Variants in ATG10 observed in about 807,000 individuals in gnomAD.
ATG10 encodes autophagy related 10, also known as ubiquitin-like-conjugating enzyme ATG10.
In ATG10, 30 loss-of-function variants were observed where a neutral mutation model predicts 32.1. That is an observed-to-expected ratio of 0.94 (90% CI 0.70 to 1.27). The LOEUF is 1.27. ATG10 is among the 50% of genes most tolerant of loss of function. The pLI is 0.00. For missense variants in ATG10, 233 were observed against 262.3 expected, an observed-to-expected ratio of 0.89 and a Z score of 0.77; for synonymous variants, 87 against 91.5, an observed-to-expected ratio of 0.95 and a Z score of 0.28.
At chr5:82,141,235 A>G (rs925915353) in intron 3 of ATG10, among the ~76,000 whole-genome samples, 5 of 131,088 alleles carry the variant, frequency 3.8e-5, no homozygotes, top group African/African-American at 1.0e-4. Context: ...AAATAAATTA[A>G]AAAAAAAAAA....
intron 3 of ATG10, among the ~76,000 whole-genome samples, chr5:82,098,487 T>G (rs556301882): frequency 1.3e-5 from 2 of 152,022 alleles, no homozygotes; most frequent in African/African-American, 2.4e-5. Context: ...ATTTTTGTTT[T>G]TTTAGTAGAG....
At chr5:82,177,552 G>A (rs1051574831) in intron 4 of ATG10, among the ~76,000 whole-genome samples, 1 of 152,110 alleles carries the variant, frequency 6.6e-6, no homozygotes, top group African/African-American at 2.4e-5. Flanking sequence ...AATGGATCAA[G>A]TTATATTGGA....
intron 5 of ATG10, among the ~76,000 whole-genome samples, chr5:82,192,080 C>T (rs998493454): frequency 3.9e-5 from 6 of 152,188 alleles, no homozygotes; most frequent in African/African-American, 1.4e-4. Context: ...GCATTTCTGG[C>T]ATGGAGGTTG....
intron 5 of ATG10, among the ~76,000 whole-genome samples, chr5:82,215,140 G>A (rs755301652): frequency 3.9e-5 from 6 of 152,140 alleles, no homozygotes; most frequent in Non-Finnish European, 7.4e-5. Flanking sequence ...GTCATCTCAA[G>A]GCTTGATGGG....
intron 5 of ATG10, among the ~76,000 whole-genome samples, chr5:82,235,225 G>A (rs1370626045): frequency 6.6e-6 from 1 of 152,098 alleles, no homozygotes; most frequent in Non-Finnish European, 1.5e-5. Context: ...TTTTCCCCTA[G>A]GGAAGCAGGT....
At chr5:82,105,847 G>A (rs751730724) in intron 3 of ATG10, among the ~76,000 whole-genome samples, 6 of 152,058 alleles carry the variant, frequency 3.9e-5, no homozygotes, top group African/African-American at 7.2e-5. Context: ...CCTTGTTCTT[G>A]TTCACATGGA....
chr5:82,063,851 G>A (rs1763862098), intron 3 of ATG10, among the ~76,000 whole-genome samples: 1 of 152,114 alleles, frequency 6.6e-6, no homozygotes, highest in African/African-American at 2.4e-5. Context: ...AAAAGAGGGA[G>A]AGGATCAAGA....
chr5:82,133,001 CA>C (rs1766602710), intron 3 of ATG10, among the ~76,000 whole-genome samples: 1 of 152,126 alleles, frequency 6.6e-6, no homozygotes, highest in Non-Finnish European at 1.5e-5. Flanking sequence ...TGATGATGAG[CA>C]TTTTTTCATA....
intron 2 of ATG10, among the ~76,000 whole-genome samples, chr5:82,003,490 C>CT (rs1561249550): frequency 6.6e-6 from 1 of 152,140 alleles, no homozygotes; most frequent in Admixed American, 6.5e-5. Context: ...GACAAGTTAG[C>CT]TAGTGTGGTC....
Position 82,202,959 on chromosome 5 carries a change from T to C in ATG10, c.453+24372T>C, listed in dbSNP as rs555505484. Among the ~76,000 whole-genome samples the C allele has an allele frequency of 5.3e-5, 8 of 152,228 alleles. No individual in the cohort carries two copies. In the South Asian group the frequency reaches 1.7e-3, roughly 32 times the overall value. Reference sequence around the variant, plus strand: ...AGAAGTAATGGGGGGCTGGGTGTGGTGGCTCATGCCTGTAATCCCAGCGCT... The same window carrying C: ...AGAAGTAATGGGGGGCTGGGTGTGGCGGCTCATGCCTGTAATCCCAGCGCT... On this transcript the variant is annotated intron_variant, in intron 5 of 7. Coordinates refer to ENST00000282185, the MANE Select transcript of ATG10 (RefSeq NM_031482.5).
chr5:82,072,162 G>A (rs760734123), intron 3 of ATG10, among the ~76,000 whole-genome samples: 2 of 152,168 alleles, frequency 1.3e-5, no homozygotes, highest in Non-Finnish European at 2.9e-5. Context: ...AAAGCTAAGA[G>A]GTAGTATGAA....
At position 82,010,064 on chromosome 5, in the gene ATG10, A is replaced by T; in HGVS notation, c.108+22386A>T. The T allele has an allele frequency of 2.5e-6, 4 of 1,610,022 alleles. No individual in the cohort carries two copies. The South Asian group carries it at 4.4e-5, about 18-fold the overall frequency. ...GGCCCAAGGGCTCGCCATCGACGGC[A>T]ATGTCGAAGAACACGGTGGGGTTGA... On this transcript the variant is annotated intron_variant, in intron 2 of 7. Transcript: ENST00000282185.
At chr5:82,014,377 G>A (rs1237381159) in intron 2 of ATG10, among the ~76,000 whole-genome samples, 3 of 152,196 alleles carry the variant, frequency 2.0e-5, no homozygotes, top group East Asian at 1.9e-4. Context: ...CAATTCCTGG[G>A]TATCCTTGTT....
Position 81,983,246 on chromosome 5 carries a change from C to CA in ATG10, c.-12-4312dup, listed in dbSNP as rs1554038325. Among the ~76,000 whole-genome samples the CA allele has an allele frequency of 4.9e-4, 72 of 147,002 alleles. 3 individuals carry two copies. Among genetic ancestry groups the CA allele is most frequent in the South Asian group, 4.4e-3 (20 of 4,590 alleles). ...CGGGCTGGGGGCTGACCCCCCCCCC[C>CA]ACCTCCCTCCTGGACGGGGTGGCTG... On this transcript the variant is annotated intron_variant, in intron 1 of 7. Coordinates refer to ENST00000282185, the MANE Select transcript of ATG10 (RefSeq NM_031482.5).
At chr5:81,989,528 A>G (rs941169325) in intron 2 of ATG10, among the ~76,000 whole-genome samples, 4 of 152,156 alleles carry the variant, frequency 2.6e-5, no homozygotes, top group Non-Finnish European at 5.9e-5. Context: ...CTCCAGGATG[A>G]TGTGACTGTG....
chr5:82,131,515 T>G (rs542297861), intron 3 of ATG10, among the ~76,000 whole-genome samples: 5 of 152,276 alleles, frequency 3.3e-5, no homozygotes, highest in South Asian at 2.1e-4. Context: ...CAGTCTATAT[T>G]ACAGAGTTTC....
chr5:82,150,413 T>G (rs1767546266), intron 3 of ATG10, among the ~76,000 whole-genome samples: 1 of 152,230 alleles, frequency 6.6e-6, no homozygotes, highest in African/African-American at 2.4e-5. Context: ...CAAATAATTC[T>G]TTGCCATTAT....
chr5:82,154,502 C>A (rs989243215), intron 3 of ATG10, among the ~76,000 whole-genome samples: 6 of 152,156 alleles, frequency 3.9e-5, no homozygotes, highest in African/African-American at 1.2e-4. Flanking sequence ...AGTGAAGAAA[C>A]TGAGGCATAG....
chr5:81,972,751 G>T (rs1396437821), intron 1 of ATG10, among the ~76,000 whole-genome samples: 1 of 152,104 alleles, frequency 6.6e-6, no homozygotes, highest in Non-Finnish European at 1.5e-5. Context: ...GAGCCAACAG[G>T]TCTTTCTTTT....
Sources: allele counts gnomAD v4.1 joint callset (sites outside exome capture counted in the v4.1 genomes callset), GRCh38; gene constraint gnomAD v4.1.1; transcripts MANE v1.5; gene names NCBI Gene and HGNC (gene_info 2026-07-23, HGNC 2026-07-21).